Variants in GRB10 observed in about 807,000 individuals in gnomAD.
GRB10 encodes growth factor receptor bound protein 10.
In GRB10, 20 loss-of-function variants were observed where a neutral mutation model predicts 80.9. The ratio of observed to expected loss-of-function variants is 0.25; its 90% CI spans 0.17 to 0.36. GRB10 has a LOEUF of 0.36. GRB10 is among the 10% of genes least tolerant of loss of function. GRB10 has a pLI of 1.00. For missense variants in GRB10, 548 were observed against 747.7 expected, an observed-to-expected ratio of 0.73 and a Z score of 3.12; for synonymous variants, 291 against 291.5, an observed-to-expected ratio of 1.00 and a Z score of 0.02.
chr7:50,618,657 A>G (rs2051090645), intron 9 of GRB10, among the ~76,000 whole-genome samples: 1 of 152,230 alleles, frequency 6.6e-6, no homozygotes, highest in Non-Finnish European at 1.5e-5. Context: ...GTGCCCCAGG[A>G]GCTAGGAGGT....
chr7:50,599,563 C>T (rs12666241), intron 17 of GRB10, among the ~76,000 whole-genome samples: 3 of 152,208 alleles, frequency 2.0e-5, no homozygotes, highest in African/African-American at 7.2e-5. Flanking sequence ...CTCCAGCAGC[C>T]TAAGGCGGGA....
At chr7:50,614,321 C>G (rs774254108) in intron 12 of GRB10, among the ~76,000 whole-genome samples, 2 of 152,180 alleles carry the variant, frequency 1.3e-5, no homozygotes, top group Admixed American at 6.5e-5. Flanking sequence ...CACATGCATG[C>G]AGAGGGTGGG....
chr7:50,787,140 T>C (rs1174247552), upstream of GRB10, among the ~76,000 whole-genome samples: 3 of 152,140 alleles, frequency 2.0e-5, no homozygotes, highest in African/African-American at 7.2e-5. Flanking sequence ...CTGATGGAGC[T>C]GAATGGACCA....
At chr7:50,685,611 C>A (rs2062023131) in intron 5 of GRB10, among the ~76,000 whole-genome samples, 1 of 152,138 alleles carries the variant, frequency 6.6e-6, no homozygotes, top group Admixed American at 6.5e-5. Flanking sequence ...GTTCATGACG[C>A]TCCCAGTTTA....
At chr7:50,636,857 A>AG (rs1304001097) in intron 7 of GRB10, among the ~76,000 whole-genome samples, 1 of 151,644 alleles carries the variant, frequency 6.6e-6, no homozygotes, top group African/African-American at 2.4e-5. Flanking sequence ...CTACTATTAA[A>AG]CGTAGCACTG....
intron 4 of GRB10, among the ~76,000 whole-genome samples, chr7:50,708,715 C>T (rs1349577047): frequency 6.3e-5 from 9 of 142,678 alleles, no homozygotes; most frequent in East Asian, 2.0e-4. Flanking sequence ...CTCACTCTGT[C>T]GCCAGGCTGG....
intron 3 of GRB10, among the ~76,000 whole-genome samples, chr7:50,739,349 C>T (rs1162448574): frequency 6.6e-6 from 1 of 152,136 alleles, no homozygotes; most frequent in Non-Finnish European, 1.5e-5. Context: ...ACTCTTAGGC[C>T]CTCACCTCGC....
At chr7:50,653,911 A>G (rs778590689) in intron 7 of GRB10, among the ~76,000 whole-genome samples, 1 of 152,192 alleles carries the variant, frequency 6.6e-6, no homozygotes, top group Non-Finnish European at 1.5e-5. Flanking sequence ...GATTACAGAC[A>G]CTAATATAAA....
intron 7 of GRB10, among the ~76,000 whole-genome samples, chr7:50,664,794 T>C (rs751344885): frequency 3.3e-5 from 5 of 152,180 alleles, no homozygotes; most frequent in Non-Finnish European, 5.9e-5. Context: ...AAGTCTTTGC[T>C]ATATCAATCA....
intron 5 of GRB10, among the ~76,000 whole-genome samples, chr7:50,694,069 C>A (rs1015706910): frequency 6.6e-6 from 1 of 152,162 alleles, no homozygotes; most frequent in African/African-American, 2.4e-5. Flanking sequence ...CTCTGCAATC[C>A]TGGCTCATGC....
intron 7 of GRB10, among the ~76,000 whole-genome samples, chr7:50,635,802 A>G (rs1334186160): frequency 6.6e-6 from 1 of 151,798 alleles, no homozygotes; most frequent in Non-Finnish European, 1.5e-5. Flanking sequence ...AAATTCCTGG[A>G]AACACCCAAC....
At chr7:50,631,503 T>C (rs1307154645) in intron 7 of GRB10, among the ~76,000 whole-genome samples, 1 of 152,222 alleles carries the variant, frequency 6.6e-6, no homozygotes, top group Non-Finnish European at 1.5e-5. Flanking sequence ...TACTTTTTAG[T>C]TCAAAAGCTC....
chr7:50,783,989 A>C (rs985251197), upstream of GRB10, among the ~76,000 whole-genome samples: 2 of 152,240 alleles, frequency 1.3e-5, no homozygotes, highest in Non-Finnish European at 2.9e-5. Flanking sequence ...AATATGTTTA[A>C]GTCGATCAAA....
At chr7:50,618,453 G>A (rs183110939) in intron 9 of GRB10, among the ~76,000 whole-genome samples, 85 of 152,314 alleles carry the variant, frequency 5.6e-4, no homozygotes, top group Admixed American at 2.1e-3. Context: ...AGTGCACAGC[G>A]TGAGATAAAG....
intron 7 of GRB10, among the ~76,000 whole-genome samples, chr7:50,658,522 C>CCTCA (rs1563322738): frequency 6.6e-6 from 1 of 152,118 alleles, no homozygotes; most frequent in Non-Finnish European, 1.5e-5. Context: ...TCCACAGGAG[C>CCTCA]CTCACGTAGA....
intron 4 of GRB10, 76 bp from the exon 5 acceptor site, chr7:50,703,984 C>A (rs2153668458): frequency 1.1e-6 from 1 of 948,778 alleles, no homozygotes; most frequent in South Asian, 1.3e-5. Context: ...CCCAGCTTCC[C>A]CAGCATTTCC....
intron 4 of GRB10, among the ~76,000 whole-genome samples, chr7:50,713,861 C>T (rs1347139144): frequency 6.6e-6 from 1 of 151,806 alleles, no homozygotes; most frequent in East Asian, 1.9e-4. Context: ...TCTACCACCT[C>T]CACCCTCACC....
intron 5 of GRB10, among the ~76,000 whole-genome samples, chr7:50,685,338 C>T (rs984327815): frequency 6.6e-6 from 1 of 152,196 alleles, no homozygotes; most frequent in Non-Finnish European, 1.5e-5. Flanking sequence ...GGACAGGAAA[C>T]TGTTTTTACT....
chr7:50,658,890 G>A (rs1023401638), intron 7 of GRB10, among the ~76,000 whole-genome samples: 6 of 152,214 alleles, frequency 3.9e-5, no homozygotes, highest in East Asian at 1.9e-4. Context: ...TGCAGGTGCC[G>A]TCACGTCGGG....
Sources: gnomAD v4.1 joint callset for allele counts (sites outside exome capture counted in the v4.1 genomes callset) on GRCh38, gnomAD v4.1.1 for gene constraint, MANE v1.5 for transcripts, NCBI Gene and HGNC (gene_info 2026-07-23, HGNC 2026-07-21) for gene names.